PRORP: variants seen among roughly 807,000 people sequenced by gnomAD.
PRORP encodes protein only RNase P catalytic subunit, also known as mitochondrial ribonuclease P catalytic subunit.
In PRORP, 51 loss-of-function variants were observed where a neutral mutation model predicts 59.4. That is an observed-to-expected ratio of 0.86 (90% CI 0.69 to 1.08). The LOEUF is 1.08. Among genes scored for constraint, PRORP ranks in the 50% least tolerant of loss-of-function variants. The pLI is 0.00. For missense variants in PRORP, 646 were observed against 690.3 expected, an observed-to-expected ratio of 0.94 and a Z score of 0.72; for synonymous variants, 231 against 245.6, an observed-to-expected ratio of 0.94 and a Z score of 0.55.
At chr14:35,172,995 G>C (rs1276064281) in intron 4 of PRORP, among the ~76,000 whole-genome samples, 5 of 151,940 alleles carry the variant, frequency 3.3e-5, no homozygotes, top group African/African-American at 4.8e-5. Flanking sequence ...AGCCTCCTGA[G>C]TAGCTGGGAT....
intron 5 of PRORP, among the ~76,000 whole-genome samples, chr14:35,195,218 G>A (rs2048979501): frequency 6.6e-6 from 1 of 152,102 alleles, no homozygotes; most frequent in Non-Finnish European, 1.5e-5. Context: ...ATACAGTGAT[G>A]TATCAGTTCC....
intron 4 of PRORP, among the ~76,000 whole-genome samples, chr14:35,162,705 T>A (rs534874784): frequency 6.6e-6 from 1 of 152,220 alleles, no homozygotes; most frequent in Admixed American, 6.5e-5. Context: ...AGATTTTTTC[T>A]GTTGCAAGGT....
At chr14:35,267,179 T>A (rs577508901) in intron 6 of PRORP, among the ~76,000 whole-genome samples, 2 of 152,232 alleles carry the variant, frequency 1.3e-5, no homozygotes, top group African/African-American at 4.8e-5. Context: ...CCTAAGTAGA[T>A]CATTTAGCAA....
intron 4 of PRORP, among the ~76,000 whole-genome samples, chr14:35,152,139 C>T (rs573064201): frequency 2.6e-5 from 4 of 152,044 alleles, no homozygotes; most frequent in African/African-American, 4.8e-5. Context: ...TGACTCTCAA[C>T]GAGCATGCTG....
chr14:35,135,441 C>T (rs2138823180), intron 4 of PRORP, among the ~76,000 whole-genome samples: 1 of 152,254 alleles, frequency 6.6e-6, no homozygotes, highest in Admixed American at 6.5e-5. Context: ...GAACATGTGG[C>T]CTACAGAGCC....
At chr14:35,214,807 T>C (rs2049544153) in intron 5 of PRORP, among the ~76,000 whole-genome samples, 2 of 152,142 alleles carry the variant, frequency 1.3e-5, no homozygotes, top group Admixed American at 1.3e-4. Flanking sequence ...CTTGGGTGGC[T>C]GAGGCAAGAG....
At chr14:35,267,450 G>T (rs1381226583) in intron 6 of PRORP, among the ~76,000 whole-genome samples, 1 of 152,066 alleles carries the variant, frequency 6.6e-6, no homozygotes, top group African/African-American at 2.4e-5. Context: ...TTTGAGAAAT[G>T]GGGAGAGGTG....
At position 35,270,294 on chromosome 14, in the gene PRORP, G is replaced by T. The variant is rs1054792882; in HGVS notation, c.1425-107G>T. On this transcript the variant is annotated intron_variant, in intron 6 of 7. Coordinates refer to ENST00000534898, the MANE Select transcript of PRORP (RefSeq NM_014672.4). Reference sequence around the variant, plus strand: ...GTATTACTAGCATCATGTTGGTCAAGAAATCAGAGGCACCTCCAAGGAAAG... The same window carrying T: ...GTATTACTAGCATCATGTTGGTCAATAAATCAGAGGCACCTCCAAGGAAAG... 21 of 1,062,076 alleles carry T rather than the reference G, an allele frequency of 2.0e-5. No individual in the cohort carries two copies. The African/African-American group carries it at 3.3e-4, about 17-fold the overall frequency. 65.8% of individuals were successfully genotyped at this position (1,062,076 alleles called of 1,614,324 possible). A position where few individuals can be genotyped will look rare whatever the true frequency, so the allele number is the denominator to read the frequency against.
intron 4 of PRORP, among the ~76,000 whole-genome samples, chr14:35,157,457 TCAGATCCAAACCA>T (rs1385891492): frequency 6.6e-6 from 1 of 152,172 alleles, no homozygotes; most frequent in Non-Finnish European, 1.5e-5. Context: ...AGCTGGATGA[TCAGATCCAAACCA>T]CAGCATTCAT....
rs189363275 is a variant in PRORP at position 35,177,675 on chromosome 14, T to G, written c.1168-2995T>G. Among the ~76,000 whole-genome samples, 558 of 152,308 alleles carry G rather than the reference T, an allele frequency of 3.7e-3. 2 individuals carry two copies. The highest frequency in any genetic ancestry group is 5.1e-3 in the Non-Finnish European group (349 of 68,030). On this transcript the variant is annotated intron_variant, in intron 4 of 7. Coordinates refer to ENST00000534898, the MANE Select transcript of PRORP (RefSeq NM_014672.4). ...CTTTCTAGCAGTCTATCAATTTTGTTGATCTTTTCAAAAAACCAGCTCCTA... is the reference window on the plus strand; with the variant it reads ...CTTTCTAGCAGTCTATCAATTTTGTGGATCTTTTCAAAAAACCAGCTCCTA...
intron 5 of PRORP, among the ~76,000 whole-genome samples, chr14:35,206,179 T>TA (rs1227833527): frequency 7.2e-5 from 11 of 152,372 alleles, no homozygotes; most frequent in African/African-American, 2.6e-4. Context: ...TGACTTGTGA[T>TA]AGAGTGCTGC....
At chr14:35,222,480 T>G (rs908700647) in intron 5 of PRORP, 1 of 152,210 alleles carries the variant, frequency 6.6e-6, no homozygotes, top group African/African-American at 2.4e-5. Context: ...GCACACCACC[T>G]GGATCCACTA....
chr14:35,180,837 A>G, intron 5 of PRORP, 60 bp downstream of exon 5: 2 of 1,141,796 alleles, frequency 1.8e-6, no homozygotes, highest in East Asian at 2.4e-5. Flanking sequence ...ATACCCATTT[A>G]TGACCTTCTT....
chr14:35,223,139 A>G (rs2049833042), intron 5 of PRORP, among the ~76,000 whole-genome samples: 1 of 151,952 alleles, frequency 6.6e-6, no homozygotes, highest in African/African-American at 2.4e-5. Flanking sequence ...GTCAGTCATT[A>G]TAGTCTTGGA....
chr14:35,213,383 A>G (rs910963474), intron 5 of PRORP, among the ~76,000 whole-genome samples: 1 of 152,132 alleles, frequency 6.6e-6, no homozygotes, highest in Non-Finnish European at 1.5e-5. Flanking sequence ...GTGAGCTGTG[A>G]TTGCACAACT....
Position 35,172,315 on chromosome 14 carries a change from C to A in PRORP, c.1168-8355C>A, listed in dbSNP as rs549390663. On this transcript the variant is annotated intron_variant, in intron 4 of 7. Coordinates refer to ENST00000534898, the MANE Select transcript of PRORP (RefSeq NM_014672.4). ...GCACCTGCCTCAGGCTCCCAAAGTA[C>A]TGGGATTACAGGCAGAATTCTTGAT... 1.1e-4 allele frequency among the ~76,000 whole-genome samples: 17 copies of A among 152,038 alleles called. No individual in the cohort carries two copies. The South Asian group carries it at 3.5e-3, about 32-fold the overall frequency.
At chr14:35,229,319 T>C (rs755175411) in intron 5 of PRORP, among the ~76,000 whole-genome samples, 35 of 152,210 alleles carry the variant, frequency 2.3e-4, no homozygotes, top group Non-Finnish European at 7.3e-5. Flanking sequence ...TTGTTGATTT[T>C]TGTTTTTATT....
rs1286150869 is a variant in PRORP, at chr14:35,275,572, A to G, written c.*2006A>G. ...GCTAAACTTCTTTTTTTAAGTAACT[A>G]TCATAGTTTTAAGAAAAACATTTTA... is the stretch of plus-strand genomic sequence containing the variant. On this transcript the variant is annotated 3_prime_UTR_variant, in exon 8 of 8. Transcript: ENST00000534898. The G allele has an allele frequency of 5.3e-5, 8 of 152,242 alleles. No homozygotes were observed. The allele number at this position is 152,242 out of a possible 1,614,324, so 9.4% of individuals were successfully genotyped here. A position where few individuals can be genotyped will look rare whatever the true frequency, so the allele number is the denominator to read the frequency against.
chr14:35,224,405 C>T (rs371240021), intron 5 of PRORP, among the ~76,000 whole-genome samples: 1 of 152,114 alleles, frequency 6.6e-6, no homozygotes, highest in Admixed American at 6.5e-5. Flanking sequence ...ATTGAATACT[C>T]ATAGCAAGTG....
Sources: allele counts gnomAD v4.1 joint callset (sites outside exome capture counted in the v4.1 genomes callset), GRCh38; gene constraint gnomAD v4.1.1; transcripts MANE v1.5; gene names NCBI Gene and HGNC (gene_info 2026-07-23, HGNC 2026-07-21).